Variants in CENPW observed in about 807,000 individuals in gnomAD.
CENPW encodes cancer-up-regulated gene 2 protein.
Under a neutral mutation model 11.1 loss-of-function variants are expected in CENPW, and 3 were observed. The ratio of observed to expected loss-of-function variants is 0.27; its 90% CI spans 0.12 to 0.70. The LOEUF (loss-of-function observed/expected upper bound fraction) is 0.70, where lower values mean the gene tolerates loss of function less well. Ranked by LOEUF, CENPW falls within the 30% of genes least tolerant of loss-of-function variation. The pLI is 0.77. For missense variants in CENPW, 100 were observed against 105.6 expected, an observed-to-expected ratio of 0.95 and a Z score of 0.23; for synonymous variants, 38 against 42.0, an observed-to-expected ratio of 0.91 and a Z score of 0.37.
the CENPW span, among the ~76,000 whole-genome samples, chr6:126,361,178 A>G: frequency 3.3e-5 from 5 of 152,370 alleles, no homozygotes; most frequent in Non-Finnish European, 7.3e-5. Context: ...AGGGATGTAT[A>G]TTAGATAATT....
At chr6:126,458,871 C>T in the CENPW span, among the ~76,000 whole-genome samples, 1 of 151,412 alleles carries the variant, frequency 6.6e-6, no homozygotes, top group African/African-American at 2.4e-5. Flanking sequence ...CTTAATTTTA[C>T]ATTCTCAGAT....
chr6:126,428,599 G>A, the CENPW span, among the ~76,000 whole-genome samples: 1 of 152,156 alleles, frequency 6.6e-6, no homozygotes, highest in Non-Finnish European at 1.5e-5. Context: ...GCTCATTAGA[G>A]TGATTGAGAA....
At chr6:126,433,590 G>C in the CENPW span, among the ~76,000 whole-genome samples, 1 of 152,080 alleles carries the variant, frequency 6.6e-6, no homozygotes, top group Admixed American at 6.6e-5. Flanking sequence ...GTTCAGCAGG[G>C]AACAAGAGGA....
chr6:126,459,178 T>C, the CENPW span, among the ~76,000 whole-genome samples: 4 of 151,530 alleles, frequency 2.6e-5, no homozygotes, highest in Admixed American at 6.6e-5. Context: ...TTTTTTAGCT[T>C]CTCTGTGACC....
At chr6:126,420,883 CTTTT>C in the CENPW span, among the ~76,000 whole-genome samples, 1 of 151,172 alleles carries the variant, frequency 6.6e-6, no homozygotes, top group Admixed American at 6.6e-5. Flanking sequence ...TCAGCTTGCT[CTTTT>C]TTTTTATTTT....
the CENPW span, among the ~76,000 whole-genome samples, chr6:126,356,816 AG>A: frequency 6.6e-6 from 1 of 152,100 alleles, no homozygotes; most frequent in East Asian, 1.9e-4. Flanking sequence ...AGTTCTTTAT[AG>A]AGTCTAGATA....
chr6:126,438,632 T>C, the CENPW span, among the ~76,000 whole-genome samples: 1 of 151,614 alleles, frequency 6.6e-6, no homozygotes, highest in African/African-American at 2.4e-5. Flanking sequence ...CTCTACATTA[T>C]AAATTAAAGG....
the CENPW span, among the ~76,000 whole-genome samples, chr6:126,373,461 A>G: frequency 6.6e-6 from 1 of 152,252 alleles, no homozygotes; most frequent in Admixed American, 6.5e-5. Flanking sequence ...TCATTGCTGC[A>G]TAACAAACTA....
chr6:126,439,049 A>G, the CENPW span, among the ~76,000 whole-genome samples: 1 of 151,704 alleles, frequency 6.6e-6, no homozygotes, highest in South Asian at 2.1e-4. Context: ...TAGAATACCA[A>G]CTATATTGGA....
chr6:126,415,151 C>G, the CENPW span, among the ~76,000 whole-genome samples: 1 of 151,548 alleles, frequency 6.6e-6, no homozygotes, highest in African/African-American at 2.4e-5. Context: ...TTGTGTAACT[C>G]AAGGGGGTGT....
chr6:126,354,354 C>T, the CENPW span, among the ~76,000 whole-genome samples: 1 of 152,098 alleles, frequency 6.6e-6, no homozygotes, highest in Non-Finnish European at 1.5e-5. Context: ...AGCCCTTCTT[C>T]TGGCATGTAC....
At chr6:126,341,603 G>A (rs1249618833) in intron 1 of CENPW, among the ~76,000 whole-genome samples, 1 of 152,142 alleles carries the variant, frequency 6.6e-6, no homozygotes, top group Admixed American at 6.5e-5. Flanking sequence ...TGTAAGAAGA[G>A]GCAATACAGG....
chr6:126,406,746 A>G, the CENPW span, among the ~76,000 whole-genome samples: 115,620 of 151,462 alleles, frequency 0.76, 44,586 homozygotes, highest in East Asian at 1. Flanking sequence ...CAGCTACTTG[A>G]GAGGCTGAGG....
chr6:126,475,408 T>TA, the CENPW span, among the ~76,000 whole-genome samples: 5 of 151,942 alleles, frequency 3.3e-5, no homozygotes, highest in African/African-American at 4.8e-5. Context: ...CAAATTTTTT[T>TA]AAAAAAAATT....
At chr6:126,395,375 G>T in the CENPW span, among the ~76,000 whole-genome samples, 1 of 151,900 alleles carries the variant, frequency 6.6e-6, no homozygotes, top group African/African-American at 2.4e-5. Flanking sequence ...CAGAATTTCT[G>T]CTTGAGTCTT....
chr6:126,414,063 A>G, the CENPW span, among the ~76,000 whole-genome samples: 6 of 152,072 alleles, frequency 3.9e-5, no homozygotes, highest in Non-Finnish European at 7.4e-5. Context: ...AAAGACTAAA[A>G]AAAGACTAAA....
At chr6:126,433,840 T>C in the CENPW span, among the ~76,000 whole-genome samples, 2 of 152,052 alleles carry the variant, frequency 1.3e-5, no homozygotes, top group Non-Finnish European at 2.9e-5. Flanking sequence ...TTAAAGAAAA[T>C]TTGCATAGAG....
the CENPW span, among the ~76,000 whole-genome samples, chr6:126,429,763 TAG>T: frequency 6.6e-6 from 1 of 152,222 alleles, no homozygotes; most frequent in East Asian, 1.9e-4. Flanking sequence ...ATTAATTATT[TAG>T]AGTTTTTCCT....
At chr6:126,378,024 C>T in the CENPW span, among the ~76,000 whole-genome samples, 6 of 152,268 alleles carry the variant, frequency 3.9e-5, no homozygotes, top group South Asian at 2.1e-4. Context: ...AAGCAGGGGA[C>T]GCTCTCGCAT....
Sources: allele counts gnomAD v4.1 joint callset (sites outside exome capture counted in the v4.1 genomes callset), GRCh38; gene constraint gnomAD v4.1.1; transcripts MANE v1.5; gene names NCBI Gene and HGNC (gene_info 2026-07-23, HGNC 2026-07-21).